Variants in HGF observed in about 807,000 individuals in gnomAD.
The protein encoded by HGF is hepatocyte growth factor, also known as fibroblast-derived tumor cytotoxic factor.
HGF carries 39 observed loss-of-function variants against 111.6 expected under a neutral mutation model. The observed-to-expected ratio is 0.35, with a 90% CI of 0.27 to 0.46. HGF has a LOEUF of 0.46. Ranked by LOEUF, HGF falls within the 20% of genes least tolerant of loss-of-function variation. The pLI is 1.00. For synonymous variants in HGF, 285 were observed against 294.8 expected, an observed-to-expected ratio of 0.97 and a Z score of 0.34; for missense variants, 735 against 910.5, an observed-to-expected ratio of 0.81 and a Z score of 2.48.
In HGF at chr7:81,705,382, C is replaced by G. The variant is rs779318616; in HGVS notation, c.2010+8G>C. On this transcript the variant is annotated splice_region_variant and intron_variant, in intron 17 of 17. Coordinates refer to ENST00000222390, the MANE Select transcript of HGF (RefSeq NM_000601.6). ...CACATACTCCTTATTAAAGAACTTC[C>G]TTTTTACCTCACATGGTCCTGATCC... 1 of 1,611,546 alleles carries G rather than the reference C, an allele frequency of 6.2e-7. No homozygotes were observed. The highest frequency in any genetic ancestry group is 8.5e-7 in the Non-Finnish European group (1 of 1,178,304).
rs1385518147 is a variant in HGF, at chr7:81,729,645, G to T, written c.1000C>A (p.Pro334Thr). The T allele has an allele frequency of 2.5e-6, 4 of 1,613,690 alleles. No homozygotes were observed. The highest frequency in any genetic ancestry group is 3.4e-6 in the Non-Finnish European group (4 of 1,179,776). ...IPCQRWDSQY[P>T]HEHDMTPENF... is the part of the protein sequence containing the mutation. Reference sequence around the variant, plus strand: ...TCAGGAGTCATGTCATGCTCGTGAGGATACTGAGAATCCCAACGCTGACAT... The same window carrying T: ...TCAGGAGTCATGTCATGCTCGTGAGTATACTGAGAATCCCAACGCTGACAT... Residue 334 changes from proline (P) to threonine (T), a missense_variant, in exon 8 of 18, where the codon CCT becomes ACT. Physicochemically the swap from Pro to Thr is conservative, Grantham distance 38. Around this residue, in one of 3 missense-constraint regions of HGF, gnomAD observed 553 missense variants for 685.6 expected, o/e 0.81. Coordinates refer to ENST00000222390, the MANE Select transcript of HGF (RefSeq NM_000601.6).
rs1245222043 is a variant in HGF at position 81,726,028 on chromosome 7, T to C, written c.1041-11A>G. 5 of 1,613,730 alleles carry C rather than the reference T, an allele frequency of 3.1e-6. No homozygotes were observed. Among genetic ancestry groups the C allele is most frequent in the Non-Finnish European group, 4.2e-6 (5 of 1,179,630 alleles). ...TTTTCTCGTAGGTCCCTATTGAGAA[T>C]AAGCATGTTAATGTAAATTGCCGGA... On this transcript the variant is annotated splice_polypyrimidine_tract_variant and intron_variant, in intron 8 of 17. Transcript: ENST00000222390.
In HGF at chr7:81,752,243, G is replaced by A. The variant is rs777026877; in HGVS notation, c.502C>T (p.Arg168Trp). 1.3e-5 allele frequency: 21 copies of A among 1,613,260 alleles called. No individual in the cohort carries two copies. The East Asian group carries it at 1.3e-4, about 10-fold the overall frequency. Residue 168 changes from arginine to tryptophan, a missense_variant, in exon 5 of 18, where the codon CGG becomes TGG. Around this residue, in one of 3 missense-constraint regions of HGF, gnomAD observed 553 missense variants for 685.6 expected, o/e 0.81. Transcript: ENST00000222390. ...HEHSFLPSSY[R>W]GKDLQENYCR... ...TAGTTTTCCTGTAGGTCTTTACCCCGATAGCTCGAAGGCAAAAAGCTAGTT... is the reference window on the plus strand; with the variant it reads ...TAGTTTTCCTGTAGGTCTTTACCCCAATAGCTCGAAGGCAAAAAGCTAGTT...
At chr7:81,752,604 G>A (rs959396299) in intron 4 of HGF, among the ~76,000 whole-genome samples, 1 of 152,094 alleles carries the variant, frequency 6.6e-6, no homozygotes, top group African/African-American at 2.4e-5. Context: ...GGCCACTTAG[G>A]ACAGAACTGA....
rs189001815 is a variant in HGF, at chr7:81,707,879, T to C, written c.1542-515A>G. Among the ~76,000 whole-genome samples, 942 of 152,266 alleles carry C rather than the reference T, an allele frequency of 6.2e-3. 8 individuals are homozygous for C. The highest frequency in any genetic ancestry group is 0.021 in the African/African-American group (893 of 41,572). On this transcript the variant is annotated intron_variant, in intron 13 of 17. Transcript: ENST00000222390. The stretch of plus-strand genomic sequence containing the variant: ...GTAGTTTTGATATATTAACATAAAA[T>C]GTAACTGAATCTGAATAAATTACTT...
intron 9 of HGF, among the ~76,000 whole-genome samples, chr7:81,722,208 G>A (rs1410930536): frequency 1.3e-5 from 2 of 151,780 alleles, no homozygotes; most frequent in South Asian, 4.2e-4. Context: ...ACTGACTCCT[G>A]GGTCTCTTAC....
At position 81,762,889 on chromosome 7, in the gene HGF, GT is replaced by G; in HGVS notation, c.89-18del. 2 of 1,398,914 alleles carry G rather than the reference GT, an allele frequency of 1.4e-6. No individual in the cohort carries two copies. The highest frequency in any genetic ancestry group is 2.0e-6 in the Non-Finnish European group (2 of 992,488). The allele number at this position is 1,398,914 out of a possible 1,614,324, so 86.7% of individuals were successfully genotyped here. ...TTTGTCCCTCTATTAAATACAAAAT[GT>G]TTTAAAAAAATAAACATTGGAGAAA... On this transcript the variant is annotated intron_variant, in intron 1 of 17. Transcript: ENST00000222390.
chr7:81,720,512 C>T (rs1011581311), intron 10 of HGF, among the ~76,000 whole-genome samples: 4 of 152,062 alleles, frequency 2.6e-5, no homozygotes, highest in African/African-American at 7.2e-5. Context: ...AATTACAGTA[C>T]AGAACACATA....
At chr7:81,717,147 G>T in intron 11 of HGF, 85 bp downstream of exon 11, 1 of 1,377,096 alleles carries the variant, frequency 7.3e-7, no homozygotes, top group South Asian at 1.2e-5. Context: ...ATAAATGCCA[G>T]ACCACCTATA....
rs1789829826 is a variant in HGF, at chr7:81,720,677, A to G, written c.1271+68T>C. The G allele has an allele frequency of 7.0e-6, 6 of 857,644 alleles. No homozygotes were observed. The South Asian group carries it at 8.1e-5, about 12-fold the overall frequency. 53.1% of individuals were successfully genotyped at this position (857,644 alleles called of 1,614,324 possible). On this transcript the variant is annotated intron_variant, in intron 10 of 17. Transcript: ENST00000222390. ...AAAGAATAGAAAGAAATAGCAATGT[A>G]CATATCTAAATACACAGTCTGTTGG... is the stretch of plus-strand genomic sequence containing the variant.
intron 5 of HGF, among the ~76,000 whole-genome samples, chr7:81,747,546 AAGTT>A (rs1788320306): frequency 6.6e-6 from 1 of 152,210 alleles, no homozygotes. Context: ...AAATAAATAA[AAGTT>A]AGCAAGAATA....
At chr7:81,714,923 T>C (rs1327693134) in intron 11 of HGF, among the ~76,000 whole-genome samples, 1 of 152,152 alleles carries the variant, frequency 6.6e-6, no homozygotes, top group Non-Finnish European at 1.5e-5. Flanking sequence ...TAATTTGTGG[T>C]ATACATTGAA....
chr7:81,728,175 G>C (rs941081260), intron 8 of HGF, among the ~76,000 whole-genome samples: 17 of 152,270 alleles, frequency 1.1e-4, no homozygotes, highest in Admixed American at 7.8e-4. Context: ...TGTTGAATCA[G>C]ATTTTATCAG....
intron 5 of HGF, 23 bp downstream of exon 5, chr7:81,752,097 A>C: frequency 6.2e-7 from 1 of 1,613,224 alleles, no homozygotes; most frequent in Non-Finnish European, 8.5e-7. Flanking sequence ...AGAATGGCCC[A>C]CATGGCATTC....
chr7:81,718,284 T>C (rs1350614153), intron 10 of HGF, among the ~76,000 whole-genome samples: 1 of 152,222 alleles, frequency 6.6e-6, no homozygotes, highest in Non-Finnish European at 1.5e-5. Context: ...ACTTATTACA[T>C]GCCACATTGT....
Position 81,762,723 on chromosome 7 carries a change from G to T in HGF, c.238C>A (p.Leu80Ile), listed in dbSNP as rs757576097. The T allele has an allele frequency of 1.2e-6, 2 of 1,612,602 alleles. No homozygotes were observed. Residue 80 changes from leucine to isoleucine, a missense_variant, in exon 2 of 18, where the codon CTT (leucine) becomes ATT (isoleucine). Leu to Ile is a conservative substitution (Grantham distance 5). Around this residue, in one of 3 missense-constraint regions of HGF, gnomAD observed 553 missense variants for 685.6 expected, o/e 0.81. Transcript: ENST00000222390. ...CANRCTRNKGLPFTCKAFVFD... is the reference protein window; with the variant it reads ...CANRCTRNKGIPFTCKAFVFD... ...GTAACTTACTTGCAAGTGAATGGAAGTCCTTTATTCCTAGTACATCTATTA... is the reference window on the plus strand; with the variant it reads ...GTAACTTACTTGCAAGTGAATGGAATTCCTTTATTCCTAGTACATCTATTA...
chr7:81,755,811 A>C (rs2116160399), intron 4 of HGF: 1 of 549,202 alleles, frequency 1.8e-6, no homozygotes, highest in Non-Finnish European at 3.2e-6. Flanking sequence ...CATAATTGTA[A>C]GTAACTAATT....
At chr7:81,733,939 C>A (rs1787746320) in intron 7 of HGF, among the ~76,000 whole-genome samples, 1 of 152,084 alleles carries the variant, frequency 6.6e-6, no homozygotes, top group Admixed American at 6.6e-5. Flanking sequence ...AAAAATAAAA[C>A]AAATGTTTCA....
At chr7:81,749,518 G>A (rs74726915) in intron 5 of HGF, among the ~76,000 whole-genome samples, 2,268 of 152,158 alleles carry the variant, frequency 0.015, 62 homozygotes, top group African/African-American at 0.052. Context: ...TATATACATT[G>A]TCAGTGGACT....
Sources: allele counts gnomAD v4.1 joint callset (sites outside exome capture counted in the v4.1 genomes callset), GRCh38; gene constraint gnomAD v4.1.1; regional missense constraint gnomAD v4.1.1; transcripts MANE v1.5; gene names NCBI Gene and HGNC (gene_info 2026-07-23, HGNC 2026-07-21).